The following CDKL3 variants were observed in gnomAD, a reference collection of about 807,000 sequenced individuals.
CDKL3 encodes the protein cyclin-dependent kinase-like 3.
A neutral mutation model predicts 69.3 loss-of-function variants in CDKL3; 65 were observed. The ratio of observed to expected loss-of-function variants is 0.94; its 90% confidence interval spans 0.77 to 1.15. The LOEUF (loss-of-function observed/expected upper bound fraction) is 1.15. Ranked by LOEUF, CDKL3 falls within the 50% of genes most tolerant of loss-of-function variation. The probability of loss-of-function intolerance (pLI) is 0.00; values close to 1 mark genes in which losing one functional copy is unlikely to be tolerated. For missense variants in CDKL3, 652 were observed against 689.2 expected (o/e 0.95, Z 0.61); for synonymous variants, 202 against 221.6 (o/e 0.91, Z 0.79).
At chr5:134,364,077 TCTG>T (rs773461146) in intron 2 of CDKL3, among the ~76,000 whole-genome samples, 1 of 151,588 alleles carries the variant, frequency 6.6e-6, no homozygotes, top group Non-Finnish European at 1.5e-5. Context: ...AACAAGAACA[TCTG>T]CTGCATATGA....
chr5:134,356,736 A>G (rs1754706479), intron 3 of CDKL3, among the ~76,000 whole-genome samples: 1 of 152,146 alleles, frequency 6.6e-6, no homozygotes, highest in African/African-American at 2.4e-5. Flanking sequence ...GTGAACCAAG[A>G]TCATGCCACT....
intron 10 of CDKL3, 126 bp downstream of exon 10, chr5:134,306,483 A>G (rs1342153441): frequency 1.6e-6 from 1 of 630,064 alleles, no homozygotes; most frequent in Non-Finnish European, 2.8e-6. Context: ...GGCAACAGAG[A>G]GAGATCCTCT....
chr5:134,361,377 T>C (rs761869684), intron 2 of CDKL3, among the ~76,000 whole-genome samples: 4 of 152,130 alleles, frequency 2.6e-5, no homozygotes, highest in Admixed American at 1.3e-4. Flanking sequence ...TGAGCCACTG[T>C]TCCTAGCTCT....
intron 2 of CDKL3, among the ~76,000 whole-genome samples, chr5:134,361,238 A>C (rs1755929140): frequency 6.6e-6 from 1 of 152,126 alleles, no homozygotes. Context: ...AATTAGCTAA[A>C]AATGAAGGGT....
chr5:134,317,116 T>C (rs928279215), intron 6 of CDKL3, among the ~76,000 whole-genome samples: 6 of 152,180 alleles, frequency 3.9e-5, no homozygotes, highest in South Asian at 4.1e-4. Context: ...TATTACCTAG[T>C]TTAAATAAAA....
intron 4 of CDKL3, among the ~76,000 whole-genome samples, chr5:134,342,041 C>T (rs1485308711): frequency 6.6e-6 from 1 of 152,174 alleles, no homozygotes; most frequent in Non-Finnish European, 1.5e-5. Flanking sequence ...TGCTCCTAAA[C>T]TCACTCCTCA....
chr5:134,338,649 T>C (rs953389458), intron 4 of CDKL3, among the ~76,000 whole-genome samples: 10 of 152,132 alleles, frequency 6.6e-5, no homozygotes, highest in African/African-American at 1.7e-4. Context: ...TGAGCCAAGA[T>C]TGCCCTGCTG....
At chr5:134,340,673 A>G (rs1750262729) in intron 4 of CDKL3, among the ~76,000 whole-genome samples, 2 of 152,276 alleles carry the variant, frequency 1.3e-5, no homozygotes, top group East Asian at 1.9e-4. Flanking sequence ...AAAATAGACA[A>G]TCTCAATAAA....
At chr5:134,361,414 A>G (rs1209691636) in intron 2 of CDKL3, among the ~76,000 whole-genome samples, 3 of 152,152 alleles carry the variant, frequency 2.0e-5, no homozygotes, top group South Asian at 4.1e-4. Flanking sequence ...ATGAAAATAT[A>G]TTTGCCTTCA....
At chr5:134,337,720 TAAAG>T (rs1777459517) in intron 4 of CDKL3, among the ~76,000 whole-genome samples, 1 of 152,160 alleles carries the variant, frequency 6.6e-6, no homozygotes, top group South Asian at 2.1e-4. Flanking sequence ...ATTGGGAAAA[TAAAG>T]AACTTTTCAT....
At chr5:134,366,076 G>A (rs1437607835) in intron 2 of CDKL3, among the ~76,000 whole-genome samples, 1 of 152,142 alleles carries the variant, frequency 6.6e-6, no homozygotes, top group Non-Finnish European at 1.5e-5. Context: ...TATAGTCTCA[G>A]TACCTAGCAC....
chr5:134,321,168 C>G (rs1772686358), intron 5 of CDKL3, among the ~76,000 whole-genome samples: 1 of 151,546 alleles, frequency 6.6e-6, no homozygotes, highest in African/African-American at 2.4e-5. Context: ...GTCACCATAC[C>G]TGGCTAATTT....
At chr5:134,324,040 G>C (rs774177686) in intron 4 of CDKL3, among the ~76,000 whole-genome samples, 10 of 151,990 alleles carry the variant, frequency 6.6e-5, no homozygotes, top group Non-Finnish European at 1.0e-4. Context: ...CAAAATATAA[G>C]AATATACATT....
intron 4 of CDKL3, among the ~76,000 whole-genome samples, chr5:134,330,689 TG>T (rs1384934929): frequency 2.6e-5 from 4 of 151,986 alleles, no homozygotes; most frequent in Admixed American, 2.6e-4. Flanking sequence ...CACTCCAGTC[TG>T]GGTGACAGAG....
chr5:134,298,809 C>A (rs1467327796), intron 12 of CDKL3, 99 bp from the exon 13 acceptor site: 1 of 1,474,592 alleles, frequency 6.8e-7, no homozygotes, highest in South Asian at 1.3e-5. Context: ...ATGTAAATTA[C>A]TAAATTATAA....
upstream of CDKL3, among the ~76,000 whole-genome samples, chr5:134,367,672 T>C (rs1757785840): frequency 6.6e-6 from 1 of 152,096 alleles, no homozygotes; most frequent in East Asian, 1.9e-4. Context: ...CCGCCCCCGG[T>C]CAAGATGGTT....
chr5:134,304,495 T>A lies in CDKL3; in HGVS notation c.1531A>T (p.Lys511Ter). 6.2e-7 allele frequency: 1 copy of A among 1,612,894 alleles called. No homozygotes were observed. The highest frequency in any genetic ancestry group is 8.5e-7 in the Non-Finnish European group (1 of 1,179,500). Residue 511 changes from lysine to a stop codon, truncating the protein, a stop_gained, in exon 11 of 13, where the codon AAG (lysine) becomes TAG (stop). Transcript: ENST00000265334. LOFTEE classifies it high-confidence loss of function. Reference sequence around the variant, plus strand: ...CTGTCAGATCTGGAAAAATTCAGCTTCCTTTTGTTCTCATTTGCCATTTGG... The same window carrying A: ...CTGTCAGATCTGGAAAAATTCAGCTACCTTTTGTTCTCATTTGCCATTTGG... Reference protein sequence around the residue: ...SDQMANENKRKLNFSRSDRKE... With the variant: ...SDQMANENKR
At chr5:134,340,940 A>G (rs1750331581) in intron 4 of CDKL3, among the ~76,000 whole-genome samples, 1 of 152,216 alleles carries the variant, frequency 6.6e-6, no homozygotes, top group Non-Finnish European at 1.5e-5. Flanking sequence ...AATTCTCAAC[A>G]AAATACTAGC....
chr5:134,309,763 A>T (rs1021704137), intron 7 of CDKL3, among the ~76,000 whole-genome samples: 1 of 152,232 alleles, frequency 6.6e-6, no homozygotes, highest in Non-Finnish European at 1.5e-5. Context: ...GAAGCCTAAT[A>T]TCTAAATGTC....
Sources: allele counts gnomAD v4.1 joint callset (sites outside exome capture counted in the v4.1 genomes callset), GRCh38; gene constraint gnomAD v4.1.1; transcripts MANE v1.5; gene names NCBI Gene and HGNC (gene_info 2026-07-23, HGNC 2026-07-21).